SYNPO: variants seen among roughly 807,000 people sequenced by gnomAD.
SYNPO encodes synaptopodin.
A neutral mutation model predicts 49.5 loss-of-function variants in SYNPO; 19 were observed. That is an observed-to-expected ratio of 0.38 (90% confidence interval 0.27 to 0.56). SYNPO has a LOEUF of 0.56. SYNPO is among the 20% of genes least tolerant of loss of function. The pLI, the probability that SYNPO is intolerant of heterozygous loss-of-function variation, is 0.68. For missense variants in SYNPO, 1,131 were observed against 1,248.3 expected (o/e 0.91, Z 1.42); for synonymous variants, 536 against 548.0 (o/e 0.98, Z 0.31).
At chr5:150,619,355 C>T (rs1240966147) in intron 2 of SYNPO, among the ~76,000 whole-genome samples, 2 of 152,122 alleles carry the variant, frequency 1.3e-5, no homozygotes, top group East Asian at 3.9e-4. Context: ...CTGAGCTAGG[C>T]CCACGTTCCT....
chr5:150,620,931 T>TTCTTTCTTTCTTTC (rs1757145306), intron 2 of SYNPO, among the ~76,000 whole-genome samples: 1 of 145,950 alleles, frequency 6.9e-6, no homozygotes, highest in Admixed American at 6.8e-5. Flanking sequence ...CTTTCTTTCT[T>TTCTTTCTTTCTTTC]TCTTTCTTTC....
At chr5:150,650,842 A>C in intron 2 of SYNPO, 2 of 1,274,646 alleles carry the variant, frequency 1.6e-6, no homozygotes, top group South Asian at 3.6e-5. Context: ...CTGGATTCTC[A>C]CCTCCATGGG....
chr5:150,589,982 T>C, the SYNPO span, among the ~76,000 whole-genome samples: 1 of 152,158 alleles, frequency 6.6e-6, no homozygotes, highest in African/African-American at 2.4e-5. Flanking sequence ...AACAACCTAG[T>C]GGGGAGAGGA....
chr5:150,652,016 G>A, intron 2 of SYNPO: 1 of 1,000,576 alleles, frequency 1.0e-6, no homozygotes, highest in Non-Finnish European at 1.2e-6. Flanking sequence ...AAGGGGTGGT[G>A]GAGGCAGTGC....
chr5:150,641,853 T>C (rs932970979), intron 1 of SYNPO, among the ~76,000 whole-genome samples: 5 of 152,206 alleles, frequency 3.3e-5, no homozygotes, highest in African/African-American at 9.7e-5. Flanking sequence ...CTGAGGGGCA[T>C]TGATCACAAG....
At chr5:150,613,182 C>G (rs1756896431) in intron 1 of SYNPO, among the ~76,000 whole-genome samples, 1 of 152,162 alleles carries the variant, frequency 6.6e-6, no homozygotes, top group Non-Finnish European at 1.5e-5. Flanking sequence ...TTTTCAGTCC[C>G]ATGCCTGCTG....
At chr5:150,645,165 C>A (rs1213024972) in intron 1 of SYNPO, among the ~76,000 whole-genome samples, 1 of 152,198 alleles carries the variant, frequency 6.6e-6, no homozygotes, top group East Asian at 1.9e-4. Flanking sequence ...GATGAAATAC[C>A]TCCTCTGTCA....
In SYNPO at chr5:150,649,217, C is replaced by T; in HGVS notation, c.942C>T (p.Asn314=). The T allele has an allele frequency of 6.2e-7, 1 of 1,614,122 alleles. No individual in the cohort carries two copies. ...SPASERRPLG[N]FTAPPTYTET... ...CCTCAGAGAGACGCCCCTTGGGGAA[C>T]TTCACTGCACCCCCCACCTACACTG... Residue 314 remains asparagine, a synonymous_variant, in exon 2 of 3, where the codon AAC becomes AAT. Transcript: ENST00000307662.
intron 2 of SYNPO, among the ~76,000 whole-genome samples, chr5:150,629,828 G>C (rs1216924646): frequency 2.0e-5 from 3 of 152,130 alleles, no homozygotes; most frequent in African/African-American, 7.2e-5. Context: ...GAGGCACAGA[G>C]AAGTTGGTTA....
intron 1 of SYNPO, among the ~76,000 whole-genome samples, chr5:150,601,465 GC>G (rs1001018854): frequency 6.6e-6 from 1 of 152,140 alleles, no homozygotes; most frequent in African/African-American, 2.4e-5. Flanking sequence ...CCCACCATGT[GC>G]CCCAGGGTGG....
At chr5:150,615,467 C>T (rs1581460468) in intron 1 of SYNPO, 1 of 152,356 alleles carries the variant, frequency 6.6e-6, no homozygotes, top group Non-Finnish European at 1.5e-5. Flanking sequence ...CCATCTGGCT[C>T]TACGGTGGGG....
intron 1 of SYNPO, among the ~76,000 whole-genome samples, chr5:150,609,753 G>A (rs1384545894): frequency 6.6e-6 from 1 of 151,418 alleles, no homozygotes; most frequent in Admixed American, 6.6e-5. Context: ...TGTTTAAACT[G>A]GGGGACAGGG....
intron 2 of SYNPO, chr5:150,651,734 C>A: frequency 1.0e-6 from 1 of 1,000,502 alleles, no homozygotes; most frequent in Non-Finnish European, 1.2e-6. Context: ...GACTTGAGAC[C>A]TGGATTCTAA....
At chr5:150,651,759 G>A in intron 2 of SYNPO, 1 of 1,000,436 alleles carries the variant, frequency 1.0e-6, no homozygotes, top group Non-Finnish European at 1.2e-6. Flanking sequence ...CCAACTGCAT[G>A]TGTGTCTGTA....
intron 2 of SYNPO, among the ~76,000 whole-genome samples, chr5:150,631,093 C>G (rs2151387394): frequency 6.6e-6 from 1 of 152,312 alleles, no homozygotes; most frequent in East Asian, 1.9e-4. Flanking sequence ...AGCATGAAGG[C>G]AGGAGGCTTT....
intron 2 of SYNPO, chr5:150,652,193 GC>G: frequency 1.0e-6 from 1 of 1,001,188 alleles, no homozygotes; most frequent in Non-Finnish European, 1.2e-6. Context: ...ACAGAGTGAA[GC>G]CCCTGCCCTG....
chr5:150,655,641 T>C (rs1302173574), intron 2 of SYNPO, among the ~76,000 whole-genome samples: 4 of 152,182 alleles, frequency 2.6e-5, no homozygotes, highest in Non-Finnish European at 4.4e-5. Context: ...GTTAGTTTCA[T>C]GTATATCCTT....
chr5:150,633,972 A>T (rs150656339), intron 2 of SYNPO, among the ~76,000 whole-genome samples: 2,122 of 150,204 alleles, frequency 0.014, 59 homozygotes, highest in South Asian at 0.091. Flanking sequence ...AATAAAAATT[A>T]AAAAAAAGAC....
Position 150,649,351 on chromosome 5 carries a change from T to C in SYNPO, c.1076T>C (p.Val359Ala), listed in dbSNP as rs1385426591. The change falls in exon 2 of 3, where the codon GTT (valine) becomes GCT (alanine). Residue 359 changes from valine to alanine, a missense_variant. This residue lies in a region of SYNPO where 602 missense variants were observed against 720.7 expected (regional missense o/e 0.84). Transcript: ENST00000307662. ...PKSSHLKGQA[V>A]PASKTGILEE... ...TCTTCTCATCTGAAGGGCCAGGCGG[T>C]TCCTGCCAGCAAGACGGGCATTCTG... The C allele has an allele frequency of 6.2e-7, 1 of 1,614,158 alleles. No homozygotes were observed. The highest frequency in any genetic ancestry group is 1.3e-5 in the African/African-American group (1 of 75,052).
Sources: allele counts gnomAD v4.1 joint callset (sites outside exome capture counted in the v4.1 genomes callset), GRCh38; gene constraint gnomAD v4.1.1; regional missense constraint gnomAD v4.1.1; transcripts MANE v1.5; gene names NCBI Gene and HGNC (gene_info 2026-07-23, HGNC 2026-07-21).